PRKCE: variants seen among roughly 807,000 people sequenced by gnomAD.
The protein encoded by PRKCE is protein kinase C epsilon type.
A neutral mutation model predicts 85.4 loss-of-function variants in PRKCE; 16 were observed. The observed-to-expected ratio is 0.19, with a 90% CI of 0.13 to 0.28. The LOEUF (loss-of-function observed/expected upper bound fraction) is 0.28, where lower values mean the gene tolerates loss of function less well. Among genes scored for constraint, PRKCE ranks in the 10% least tolerant of loss-of-function variants. The pLI is 1.00. For synonymous variants in PRKCE, 388 were observed against 371.5 expected, an observed-to-expected ratio of 1.04 and a Z score of -0.51; for missense variants, 573 against 975.2, an observed-to-expected ratio of 0.59 and a Z score of 5.49.
At chr2:46,010,018 A>C (rs1263633059) in intron 9 of PRKCE, among the ~76,000 whole-genome samples, 2 of 152,380 alleles carry the variant, frequency 1.3e-5, no homozygotes, top group East Asian at 3.9e-4. Flanking sequence ...GAGATCAAAA[A>C]TAAATAAATT....
chr2:45,837,976 C>A (rs536133315), intron 1 of PRKCE, among the ~76,000 whole-genome samples: 1 of 152,248 alleles, frequency 6.6e-6, no homozygotes, highest in African/African-American at 2.4e-5. Context: ...AGCACCACCC[C>A]AAAAAAGTCC....
At chr2:45,882,826 C>A (rs755216083) in intron 2 of PRKCE, among the ~76,000 whole-genome samples, 9 of 152,230 alleles carry the variant, frequency 5.9e-5, no homozygotes, top group Non-Finnish European at 1.2e-4. Flanking sequence ...CCGAGTCTGC[C>A]GATTCCAGGG....
intron 11 of PRKCE, among the ~76,000 whole-genome samples, chr2:46,108,871 T>C (rs1275558673): frequency 6.6e-6 from 1 of 152,200 alleles, no homozygotes; most frequent in African/African-American, 2.4e-5. Context: ...AGTTAATTTT[T>C]GTGGAAGGTG....
intron 1 of PRKCE, among the ~76,000 whole-genome samples, chr2:45,761,275 C>T (rs1027569024): frequency 7.8e-6 from 1 of 128,822 alleles, no homozygotes; most frequent in Non-Finnish European, 1.5e-5. Flanking sequence ...TGCAGTAAGC[C>T]GAGATCACAC....
chr2:45,691,720 G>C (rs374457094), intron 1 of PRKCE, among the ~76,000 whole-genome samples: 1 of 152,176 alleles, frequency 6.6e-6, no homozygotes, highest in African/African-American at 2.4e-5. Context: ...GCTGGTATTT[G>C]GTATTTGAGG....
intron 2 of PRKCE, among the ~76,000 whole-genome samples, chr2:45,856,030 A>T (rs372314882): frequency 1.9e-4 from 29 of 152,304 alleles, no homozygotes; most frequent in African/African-American, 7.0e-4. Context: ...AAACCCTTAT[A>T]GAAAGATGGA....
chr2:45,947,411 G>A (rs544438932), intron 2 of PRKCE, among the ~76,000 whole-genome samples: 1 of 152,156 alleles, frequency 6.6e-6, no homozygotes, highest in Non-Finnish European at 1.5e-5. Flanking sequence ...CTGTAGGGAT[G>A]ATTACATGAC....
rs1394252094 is a variant in PRKCE at position 46,041,165 on chromosome 2, T to G, written c.1437+30648T>G. Among the ~76,000 whole-genome samples the G allele has an allele frequency of 6.6e-6, 1 of 152,244 alleles. No homozygotes were observed. The highest frequency in any genetic ancestry group is 1.5e-5 in the Non-Finnish European group (1 of 68,042). ...GCAGGGATGCAGTCTCCAGTTTTTC[T>G]CATATTTGTACCAGTTGTTAAGCCA... On this transcript the variant is annotated intron_variant, in intron 10 of 14. Transcript: ENST00000306156. This position sits in a 1 kb window ranked among gnomAD's most constrained non-coding sequence, Gnocchi z 5.5.
At position 45,978,962 on chromosome 2, in the gene PRKCE, A is replaced by T; in HGVS notation, c.573-14A>T. 1 of 1,597,822 alleles carries T rather than the reference A, an allele frequency of 6.3e-7. No homozygotes were observed. Among genetic ancestry groups the T allele is most frequent in the Non-Finnish European group, 8.5e-7 (1 of 1,179,120 alleles). On this transcript the variant is annotated splice_polypyrimidine_tract_variant and intron_variant, in intron 3 of 14. Coordinates refer to ENST00000306156, the MANE Select transcript of PRKCE (RefSeq NM_005400.3). ...ATTTCACTTTTTTTAAAAAAATGTT[A>T]TTCTTCTTTTCAGGGGTGTCATAGG...
chr2:45,843,683 G>A (rs553826510), intron 2 of PRKCE, among the ~76,000 whole-genome samples: 7 of 152,216 alleles, frequency 4.6e-5, no homozygotes, highest in Non-Finnish European at 8.8e-5. Flanking sequence ...GGGTGTTGAG[G>A]ACTGAGCAGT....
At chr2:46,161,832 A>C (rs1452264154) in intron 14 of PRKCE, among the ~76,000 whole-genome samples, 1 of 152,228 alleles carries the variant, frequency 6.6e-6, no homozygotes, top group East Asian at 1.9e-4. Flanking sequence ...CTTCACAGGA[A>C]TCCCTCACTG....
intron 11 of PRKCE, among the ~76,000 whole-genome samples, chr2:46,099,310 C>T (rs1017690106): frequency 1.3e-5 from 2 of 152,200 alleles, no homozygotes; most frequent in Non-Finnish European, 1.5e-5. Flanking sequence ...ACAGCTTCTC[C>T]AGCCAAACTC....
intron 2 of PRKCE, among the ~76,000 whole-genome samples, chr2:45,898,100 G>A (rs1419759580): frequency 6.6e-6 from 1 of 152,184 alleles, no homozygotes; most frequent in Non-Finnish European, 1.5e-5. Flanking sequence ...AGAGATGACT[G>A]GTAATAGTCT....
chr2:45,943,991 T>C (rs1700063595), intron 2 of PRKCE, among the ~76,000 whole-genome samples: 1 of 152,230 alleles, frequency 6.6e-6, no homozygotes, highest in Non-Finnish European at 1.5e-5. Flanking sequence ...AGCTGTGATG[T>C]GATTCGTTCA....
At chr2:45,953,841 G>A (rs931149891) in intron 2 of PRKCE, among the ~76,000 whole-genome samples, 3 of 152,196 alleles carry the variant, frequency 2.0e-5, no homozygotes, top group Non-Finnish European at 4.4e-5. Flanking sequence ...TTGAGAGCCC[G>A]TGTTGTGCAA....
At chr2:46,109,584 A>G (rs1574493168) in intron 11 of PRKCE, among the ~76,000 whole-genome samples, 3 of 152,254 alleles carry the variant, frequency 2.0e-5, no homozygotes, top group Middle Eastern at 3.4e-3. Flanking sequence ...TATGTTTATT[A>G]ATTACAGGAG....
chr2:45,822,495 G>A (rs1203450997), intron 1 of PRKCE, among the ~76,000 whole-genome samples: 2 of 152,216 alleles, frequency 1.3e-5, no homozygotes, highest in African/African-American at 4.8e-5. Flanking sequence ...GTCTGTTGCT[G>A]GATGTGGACA....
intron 2 of PRKCE, among the ~76,000 whole-genome samples, chr2:45,885,002 T>TA (rs1553440407): frequency 2.3e-4 from 22 of 97,624 alleles, no homozygotes; most frequent in East Asian, 5.8e-4. Flanking sequence ...TATATATATA[T>TA]TTGTTGTTGT....
intron 1 of PRKCE, among the ~76,000 whole-genome samples, chr2:45,773,745 C>T (rs1384280928): frequency 1.3e-5 from 2 of 152,162 alleles, no homozygotes; most frequent in Non-Finnish European, 2.9e-5. Context: ...TTACAGAGCC[C>T]CTGTTTGCCC....
Sources: allele counts gnomAD v4.1 joint callset (sites outside exome capture counted in the v4.1 genomes callset), GRCh38; gene constraint gnomAD v4.1.1; non-coding constraint Gnocchi (gnomAD v3.1); transcripts MANE v1.5; gene names NCBI Gene and HGNC (gene_info 2026-07-23, HGNC 2026-07-21).